ZNF385D: variants seen among roughly 807,000 people sequenced by gnomAD.
The protein encoded by ZNF385D is zinc finger protein 385D.
ZNF385D carries 15 observed loss-of-function variants against 35.8 expected under a neutral mutation model. The ratio of observed to expected loss-of-function variants is 0.42; its 90% CI spans 0.28 to 0.64. ZNF385D has a LOEUF of 0.64. ZNF385D is among the 30% of genes least tolerant of loss of function. ZNF385D has a pLI of 0.23. For synonymous variants in ZNF385D, 212 were observed against 186.8 expected, an observed-to-expected ratio of 1.13 and a Z score of -1.10; for missense variants, 474 against 494.6, an observed-to-expected ratio of 0.96 and a Z score of 0.39.
At chr3:21,779,990 C>T (rs1434959086) in intron 3 of ZNF385D, among the ~76,000 whole-genome samples, 4 of 151,838 alleles carry the variant, frequency 2.6e-5, no homozygotes, top group Admixed American at 2.6e-4. Context: ...CTGCCTTGCT[C>T]ACTGCAAAGA....
chr3:21,761,868 C>CTT (rs1559596529), intron 3 of ZNF385D, among the ~76,000 whole-genome samples: 7 of 102,908 alleles, frequency 6.8e-5, no homozygotes, highest in Admixed American at 1.3e-4. Flanking sequence ...GCATTTTCTT[C>CTT]CTTTTTTTTT....
chr3:21,696,893 G>A (rs183174016), intron 1 of ZNF385D, among the ~76,000 whole-genome samples: 1 of 152,294 alleles, frequency 6.6e-6, no homozygotes, highest in East Asian at 1.9e-4. Context: ...CCTGAAGTTA[G>A]TATTTTATTT....
At chr3:21,440,991 A>C (rs1296019436) in intron 4 of ZNF385D, among the ~76,000 whole-genome samples, 1 of 152,120 alleles carries the variant, frequency 6.6e-6, no homozygotes, top group African/African-American at 2.4e-5. Flanking sequence ...TTACTCATGC[A>C]CTCAAACTTT....
Position 21,952,410 on chromosome 3 carries a change from A to T in ZNF385D, c.325+216407T>A, listed in dbSNP as rs115894847. The stretch of plus-strand genomic sequence containing the variant: ...TTAGGAGAGGCATCAATCAACATCA[A>T]CATGATACAAAATTGTTTGCCTTAA... On this transcript the variant is annotated intron_variant, in intron 3 of 5. Transcript: ENST00000494108. Among the ~76,000 whole-genome samples, 346 of 152,144 alleles carry T rather than the reference A, an allele frequency of 2.3e-3. 3 individuals are homozygous for T. Among genetic ancestry groups the T allele is most frequent in the African/African-American group, 7.9e-3 (328 of 41,550 alleles).
chr3:21,892,061 C>G (rs192793916), intron 3 of ZNF385D, among the ~76,000 whole-genome samples: 2 of 152,068 alleles, frequency 1.3e-5, no homozygotes, highest in Non-Finnish European at 2.9e-5. Context: ...TGGTTTGTTT[C>G]GAGGGCAACT....
At chr3:21,710,269 A>G (rs2068052139) in intron 1 of ZNF385D, among the ~76,000 whole-genome samples, 1 of 152,216 alleles carries the variant, frequency 6.6e-6, no homozygotes, top group Non-Finnish European at 1.5e-5. Context: ...ACTAAAGATC[A>G]AAAGGAGTAA....
chr3:21,541,496 G>C (rs770399197), intron 3 of ZNF385D, among the ~76,000 whole-genome samples: 13 of 152,074 alleles, frequency 8.5e-5, no homozygotes, highest in Non-Finnish European at 1.3e-4. Flanking sequence ...GTAAAAATTA[G>C]ACAACAACAA....
At chr3:22,157,548 A>C (rs1705673630) in intron 3 of ZNF385D, among the ~76,000 whole-genome samples, 1 of 152,098 alleles carries the variant, frequency 6.6e-6, no homozygotes, top group Admixed American at 6.6e-5. Context: ...GTGTTTATTA[A>C]GTATTTGTTA....
chr3:22,016,295 G>A lies in ZNF385D; in HGVS notation c.325+152522C>T, dbSNP rs543188852. 4.1e-4 allele frequency among the ~76,000 whole-genome samples: 62 copies of A among 152,116 alleles called. 2 individuals are homozygous for A. Among genetic ancestry groups the A allele is most frequent in the Admixed American group, 3.3e-3 (50 of 15,282 alleles). On this transcript the variant is annotated intron_variant, in intron 3 of 5. Coordinates refer to the ZNF385D transcript ENST00000494108. ...GCGTCCAAACTTTCTATAACACATAGGACAGCTCCTCTACCCTCAGCAAAG... is the reference window on the plus strand; with the variant it reads ...GCGTCCAAACTTTCTATAACACATAAGACAGCTCCTCTACCCTCAGCAAAG...
intron 3 of ZNF385D, among the ~76,000 whole-genome samples, chr3:22,166,238 G>A (rs1372239779): frequency 1.5e-5 from 2 of 130,306 alleles, no homozygotes; most frequent in East Asian, 4.0e-4. Context: ...TTACTAACAT[G>A]ACGATACTTA....
chr3:22,276,364 C>T lies in ZNF385D; in HGVS notation c.106+96086G>A, dbSNP rs142854170. On this transcript the variant is annotated intron_variant, in intron 2 of 5. Transcript: ENST00000494108. ...CACTCGTTATTTATATATTCAGTAA[C>T]ACTCTAACAATGCTTATCTTAGCAT... 4.1e-3 allele frequency among the ~76,000 whole-genome samples: 617 copies of T among 152,124 alleles called. 9 individuals carry two copies. The South Asian group carries it at 0.05, about 12-fold the overall frequency.
intron 2 of ZNF385D, among the ~76,000 whole-genome samples, chr3:22,201,731 G>T (rs963720085): frequency 6.6e-6 from 1 of 151,766 alleles, no homozygotes; most frequent in Admixed American, 6.6e-5. Context: ...TTATTAAAAT[G>T]CATACATGCA....
At chr3:22,234,446 C>T (rs1240726972) in intron 2 of ZNF385D, among the ~76,000 whole-genome samples, 7 of 152,122 alleles carry the variant, frequency 4.6e-5, no homozygotes, top group African/African-American at 1.4e-4. Flanking sequence ...TCATTTCATC[C>T]AGTCTAGAAG....
intron 4 of ZNF385D, among the ~76,000 whole-genome samples, chr3:21,496,355 A>G (rs1049460521): frequency 4.8e-4 from 69 of 144,332 alleles, no homozygotes; most frequent in African/African-American, 1.7e-3. Context: ...GTATATATGT[A>G]TATATCATAT....
chr3:22,067,150 A>G (rs2593328), intron 3 of ZNF385D, among the ~76,000 whole-genome samples: 99,437 of 152,142 alleles, frequency 0.65, 33,406 homozygotes, highest in African/African-American at 0.81. Flanking sequence ...ATATGGAAAG[A>G]AAGATTGCTT....
At chr3:22,172,200 G>C (rs148752393) in intron 2 of ZNF385D, among the ~76,000 whole-genome samples, 19 of 152,078 alleles carry the variant, frequency 1.2e-4, no homozygotes, top group Non-Finnish European at 2.6e-4. Flanking sequence ...CAGTAATGTA[G>C]GTATAGACAG....
At chr3:22,276,127 T>C (rs1055976568) in intron 2 of ZNF385D, among the ~76,000 whole-genome samples, 1 of 152,020 alleles carries the variant, frequency 6.6e-6, no homozygotes, top group African/African-American at 2.4e-5. Context: ...TGGTGAGTCA[T>C]TGGGGCACTG....
chr3:21,932,164 C>A, intron 3 of ZNF385D, among the ~76,000 whole-genome samples: 1 of 16,432 alleles, frequency 6.1e-5, no homozygotes, highest in Non-Finnish European at 1.1e-4. Context: ...AAGACTCATT[C>A]TCAAAAAAAA....
intron 2 of ZNF385D, among the ~76,000 whole-genome samples, chr3:21,633,936 C>G (rs1335470318): frequency 6.6e-6 from 1 of 152,028 alleles, no homozygotes; most frequent in Non-Finnish European, 1.5e-5. Context: ...TGGCTCACAT[C>G]TGTAATCCTA....
Sources: allele counts gnomAD v4.1 joint callset (sites outside exome capture counted in the v4.1 genomes callset), GRCh38; gene constraint gnomAD v4.1.1; transcripts MANE v1.5; gene names NCBI Gene and HGNC (gene_info 2026-07-23, HGNC 2026-07-21).